CIMIP6: variants seen among roughly 807,000 people sequenced by gnomAD.
CIMIP6 encodes uncharacterized protein C2orf73.
the CIMIP6 span, among the ~76,000 whole-genome samples, chr2:54,344,466 G>A: frequency 6.6e-6 from 1 of 152,182 alleles, no homozygotes; most frequent in Non-Finnish European, 1.5e-5. Flanking sequence ...AGAAGGAGAT[G>A]CAGCAAAGAA....
chr2:54,375,885 G>GGTGT, the CIMIP6 span, among the ~76,000 whole-genome samples: 195 of 150,238 alleles, frequency 1.3e-3, 1 homozygote, highest in African/African-American at 4.4e-3. Flanking sequence ...TCATATAGGG[G>GGTGT]GTGTGTGTGT....
At chr2:54,348,761 T>C in the CIMIP6 span, among the ~76,000 whole-genome samples, 1 of 152,244 alleles carries the variant, frequency 6.6e-6, no homozygotes, top group East Asian at 1.9e-4. Flanking sequence ...TATGTGCATA[T>C]AAATATGCAC....
chr2:54,368,922 C>T, the CIMIP6 span, among the ~76,000 whole-genome samples: 1 of 152,138 alleles, frequency 6.6e-6, no homozygotes, highest in African/African-American at 2.4e-5. Context: ...GATTTTTAAT[C>T]TGATTCTTTT....
the CIMIP6 span, among the ~76,000 whole-genome samples, chr2:54,372,814 T>C: frequency 6.6e-6 from 1 of 152,148 alleles, no homozygotes; most frequent in Non-Finnish European, 1.5e-5. Context: ...AAAGTGGTGG[T>C]GTTTGCTGCT....
the CIMIP6 span, among the ~76,000 whole-genome samples, chr2:54,340,826 G>A: frequency 0.46 from 69,959 of 152,014 alleles, 16,761 homozygotes; most frequent in Non-Finnish European, 0.53. Context: ...ATAGCCAGGC[G>A]TGGTGGCTCA....
At chr2:54,355,585 G>C in the CIMIP6 span, among the ~76,000 whole-genome samples, 16 of 151,650 alleles carry the variant, frequency 1.1e-4, no homozygotes, top group African/African-American at 3.9e-4. Flanking sequence ...TTTCTTCTTA[G>C]TTCTGGTGTT....
chr2:54,352,740 C>T, the CIMIP6 span, among the ~76,000 whole-genome samples: 1 of 152,144 alleles, frequency 6.6e-6, no homozygotes, highest in Non-Finnish European at 1.5e-5. Flanking sequence ...ATAACCTACG[C>T]ACATCTTCCC....
At chr2:54,360,231 T>G in the CIMIP6 span, 29 of 1,602,698 alleles carry the variant, frequency 1.8e-5, no homozygotes, top group Admixed American at 5.2e-5. Context: ...CAGAGAGAGA[T>G]AAAACCAGGC....
chr2:54,346,088 G>C, the CIMIP6 span, among the ~76,000 whole-genome samples: 1 of 143,310 alleles, frequency 7.0e-6, no homozygotes, highest in Non-Finnish European at 1.6e-5. Flanking sequence ...ATGAAGTCCT[G>C]GCACAACATT....
At chr2:54,351,353 A>G in the CIMIP6 span, among the ~76,000 whole-genome samples, 1 of 152,244 alleles carries the variant, frequency 6.6e-6, no homozygotes, top group Non-Finnish European at 1.5e-5. Context: ...TATTCACAAT[A>G]GCAAAGACAT....
At chr2:54,376,610 T>C in the CIMIP6 span, among the ~76,000 whole-genome samples, 2 of 152,238 alleles carry the variant, frequency 1.3e-5, no homozygotes, top group African/African-American at 2.4e-5. Flanking sequence ...ATCTGACCTT[T>C]GGTGACAGTC....
the CIMIP6 span, among the ~76,000 whole-genome samples, chr2:54,354,832 G>C: frequency 6.6e-6 from 1 of 151,366 alleles, no homozygotes; most frequent in Non-Finnish European, 1.5e-5. Context: ...GTATTCACCA[G>C]GGGCTCCATT....
At chr2:54,374,136 A>G in the CIMIP6 span, among the ~76,000 whole-genome samples, 1 of 152,210 alleles carries the variant, frequency 6.6e-6, no homozygotes, top group Non-Finnish European at 1.5e-5. Flanking sequence ...CGTACTGTGC[A>G]GCATGCCTGC....
the CIMIP6 span, among the ~76,000 whole-genome samples, chr2:54,345,116 T>C: frequency 6.6e-6 from 1 of 152,112 alleles, no homozygotes; most frequent in Admixed American, 6.6e-5. Context: ...CATTTTAGTG[T>C]TTTTGGCTGG....
chr2:54,376,047 T>G, the CIMIP6 span, among the ~76,000 whole-genome samples: 1 of 152,220 alleles, frequency 6.6e-6, no homozygotes, highest in African/African-American at 2.4e-5. Flanking sequence ...TTTTTGGTTT[T>G]GTTCTTGAGA....
the CIMIP6 span, among the ~76,000 whole-genome samples, chr2:54,352,409 T>C: frequency 1.3e-5 from 2 of 152,222 alleles, no homozygotes; most frequent in South Asian, 4.1e-4. Flanking sequence ...GGCTAGGTAT[T>C]ATTGTGATTA....
the CIMIP6 span, among the ~76,000 whole-genome samples, chr2:54,343,475 A>G: frequency 6.6e-6 from 1 of 152,308 alleles, no homozygotes; most frequent in Non-Finnish European, 1.5e-5. Context: ...ATTTGTTGAT[A>G]GAAGGAAGGT....
chr2:54,370,863 C>T, the CIMIP6 span, among the ~76,000 whole-genome samples: 1 of 152,130 alleles, frequency 6.6e-6, no homozygotes, highest in Non-Finnish European at 1.5e-5. Context: ...TTGGCCGTAC[C>T]CAGGGTCGCC....
the CIMIP6 span, among the ~76,000 whole-genome samples, chr2:54,351,559 G>C: frequency 6.6e-6 from 1 of 152,110 alleles, no homozygotes; most frequent in African/African-American, 2.4e-5. Context: ...CTTATAAGTG[G>C]GAGCTAAATG....
Sources: allele counts gnomAD v4.1 joint callset (sites outside exome capture counted in the v4.1 genomes callset), GRCh38; gene constraint gnomAD v4.1.1; transcripts MANE v1.5; gene names NCBI Gene and HGNC (gene_info 2026-07-23, HGNC 2026-07-21).